KIR3DL1: variants seen among roughly 807,000 people sequenced by gnomAD.
The protein encoded by KIR3DL1 is killer cell immunoglobulin like receptor, three Ig domains and long cytoplasmic tail 1, also known as killer cell immunoglobulin-like receptor 3DL1.
KIR3DL1 carries 50 observed loss-of-function variants against 40.3 expected under a neutral mutation model. That is an observed-to-expected ratio of 1.24 (90% CI 0.99 to 1.57). The LOEUF (loss-of-function observed/expected upper bound fraction) is 1.57. Ranked by LOEUF, KIR3DL1 falls within the 40% of genes most tolerant of loss-of-function variation. The pLI is 0.00. For missense variants in KIR3DL1, 661 were observed against 559.9 expected, an observed-to-expected ratio of 1.18 and a Z score of -1.82; for synonymous variants, 257 against 207.2, an observed-to-expected ratio of 1.24 and a Z score of -2.07.
intron 6 of KIR3DL1, among the ~76,000 whole-genome samples, chr19:54,827,610 A>G (rs3117643): frequency 0.19 from 27,939 of 148,808 alleles, 3,147 homozygotes; most frequent in South Asian, 0.32. Context: ...AGGAGACTCC[A>G]TCTCAAAAAA....
intron 4 of KIR3DL1, among the ~76,000 whole-genome samples, chr19:54,820,363 A>C (rs1256716345): frequency 6.6e-6 from 1 of 151,522 alleles, no homozygotes; most frequent in Non-Finnish European, 1.5e-5. Context: ...TACCTCCACA[A>C]AGTGTTCCTA....
chr19:54,819,986 G>T lies in KIR3DL1; in HGVS notation c.629G>T (p.Ser210Ile), dbSNP rs746277153. 18 of 1,611,094 alleles carry T rather than the reference G, an allele frequency of 1.1e-5. 1 individual carries two copies. Among genetic ancestry groups the T allele is most frequent in the Non-Finnish European group, 1.4e-5 (17 of 1,178,904 alleles). The change falls in exon 4 of 9, where the codon AGT becomes ATT. Residue 210 changes from serine to isoleucine, a missense_variant. Transcript: ENST00000391728. ...ACCCCCTATCAGTTGTCAGCTCCCA[G>T]TGATCCCCTGGACATCGTGGTCACA...
intron 6 of KIR3DL1, among the ~76,000 whole-genome samples, chr19:54,825,859 G>A (rs865775711): frequency 2.0e-5 from 3 of 150,856 alleles, no homozygotes; most frequent in South Asian, 4.2e-4. Context: ...AGCCCACAAA[G>A]ACTGGTCACA....
chr19:54,817,506 G>A (rs2061410077), intron 1 of KIR3DL1, 28 bp from the exon 2 acceptor site: 5 of 1,487,494 alleles, frequency 3.4e-6, no homozygotes, highest in Admixed American at 3.5e-5. Flanking sequence ...CCTGCAGAGG[G>A]ATGGTCCATC....
At position 54,821,684 on chromosome 19, in the gene KIR3DL1, G is replaced by T. The variant is rs1049215; in HGVS notation, c.775G>T (p.Gly259Trp). The T allele has an allele frequency of 3.3e-5, 53 of 1,609,518 alleles. 2 individuals carry two copies. The highest frequency in any genetic ancestry group is 1.1e-4 in the African/African-American group (8 of 74,178). The change falls in exon 5 of 9, where the codon GGG (glycine) becomes TGG (tryptophan). Residue 259 changes from glycine to tryptophan, a missense_variant. Transcript: ENST00000391728. ...TGACATGTACCATCTATCCAGGGAG[G>T]GGGGAGCCCATGAACGTAGGCTCCC...
exon 7 of KIR3DL1, chr19:54,829,372 C>A: frequency 1.3e-6 from 2 of 1,482,162 alleles, no homozygotes; most frequent in African/African-American, 1.4e-5. Flanking sequence ...TAACCCCAGA[C>A]ACCTGCACAT....
At chr19:54,830,117 C>T (rs766889863) in exon 9 of KIR3DL1, 1 of 1,524,062 alleles carries the variant, frequency 6.6e-7, no homozygotes, top group Non-Finnish European at 8.9e-7. Flanking sequence ...TGAACAAGAC[C>T]CTGAGGAGGT....
intron 6 of KIR3DL1, among the ~76,000 whole-genome samples, chr19:54,827,836 C>A (rs2061984480): frequency 6.6e-6 from 1 of 150,436 alleles, no homozygotes; most frequent in Non-Finnish European, 1.5e-5. Flanking sequence ...AGCACAAATC[C>A]TGGAATAGAG....
chr19:54,829,148 C>A (rs2062071048), intron 6 of KIR3DL1, among the ~76,000 whole-genome samples: 1 of 145,324 alleles, frequency 6.9e-6, no homozygotes, highest in Admixed American at 7.0e-5. Context: ...AGGGGTCAAA[C>A]ATCTCAACTA....
At chr19:54,821,122 ATGAT>A (rs1442792293) in intron 4 of KIR3DL1, among the ~76,000 whole-genome samples, 1 of 150,402 alleles carries the variant, frequency 6.6e-6, no homozygotes, top group African/African-American at 2.5e-5. Flanking sequence ...TAGATAATAG[ATGAT>A]TGATGGATAG....
chr19:54,822,555 G>A (rs1188809493), intron 5 of KIR3DL1, among the ~76,000 whole-genome samples: 17 of 150,000 alleles, frequency 1.1e-4, no homozygotes, highest in South Asian at 2.1e-4. Context: ...TTAAACCCAG[G>A]AGGCAGAGGT....
In KIR3DL1 at chr19:54,817,529, T is replaced by C; in HGVS notation, c.35-5T>C. On this transcript the variant is annotated splice_region_variant and splice_polypyrimidine_tract_variant and intron_variant, in intron 1 of 8. Coordinates refer to ENST00000391728, the Ensembl canonical transcript of KIR3DL1. ...GGGATGGTCCATCATGATCTTTCTTTCTAGGGTTGTTCTTGGTCCAGAGGG... is the reference window on the plus strand; with the variant it reads ...GGGATGGTCCATCATGATCTTTCTTCCTAGGGTTGTTCTTGGTCCAGAGGG... The C allele has an allele frequency of 1.3e-6, 2 of 1,509,478 alleles. No individual in the cohort carries two copies. Among genetic ancestry groups the C allele is most frequent in the Non-Finnish European group, 1.8e-6 (2 of 1,105,478 alleles). 93.5% of individuals were successfully genotyped at this position (1,509,478 alleles called of 1,614,324 possible).
intron 3 of KIR3DL1, among the ~76,000 whole-genome samples, chr19:54,819,021 CCACTAGTCA>C (rs1293066506): frequency 2.6e-5 from 4 of 150,976 alleles, no homozygotes; most frequent in Non-Finnish European, 5.9e-5. Flanking sequence ...TGGAGGAAGA[CCACTAGTCA>C]CAGAATGCAG....
intron 5 of KIR3DL1, among the ~76,000 whole-genome samples, chr19:54,823,113 C>T (rs548205374): frequency 1.3e-5 from 2 of 150,588 alleles, no homozygotes; most frequent in South Asian, 4.2e-4. Flanking sequence ...TGGCTCATTG[C>T]AACCTGTGCC....
At chr19:54,824,110 T>C (rs1298834281) in intron 5 of KIR3DL1, among the ~76,000 whole-genome samples, 1 of 151,668 alleles carries the variant, frequency 6.6e-6, no homozygotes, top group Admixed American at 6.6e-5. Context: ...GTAATCCTAA[T>C]GGTCTATTTT....
At chr19:54,821,484 G>A in intron 4 of KIR3DL1, 81 bp from the exon 5 acceptor site, 1 of 1,467,582 alleles carries the variant, frequency 6.8e-7, no homozygotes, top group Non-Finnish European at 9.3e-7. Context: ...ATAGAGCAGG[G>A]GAGTGAGTTC....
chr19:54,820,042 T>C, intron 4 of KIR3DL1, 30 bp downstream of exon 4: 1 of 1,597,830 alleles, frequency 6.3e-7, no homozygotes, highest in South Asian at 1.1e-5. Context: ...GTTCTCATTG[T>C]CACTGGGACA....
At chr19:54,820,638 G>A (rs1170701061) in intron 4 of KIR3DL1, among the ~76,000 whole-genome samples, 42 of 151,026 alleles carry the variant, frequency 2.8e-4, no homozygotes, top group Non-Finnish European at 1.3e-4. Context: ...AAAAATCAGG[G>A]ACACCAAAAA....
At position 54,823,688 on chromosome 19, in the gene KIR3DL1, G is replaced by C. The variant is rs2061748501; in HGVS notation, c.950-1340G>C. 1.3e-5 allele frequency among the ~76,000 whole-genome samples: 2 copies of C among 151,448 alleles called. 1 individual carries two copies. Among genetic ancestry groups the C allele is most frequent in the African/African-American group, 4.9e-5 (2 of 41,046 alleles). On this transcript the variant is annotated intron_variant, in intron 5 of 8. Transcript: ENST00000391728. ...AATTTTTGTATGTTTAGTAGAGAGG[G>C]AGTTTCTCCATGATGGTCAGGCTGG... is the stretch of plus-strand genomic sequence containing the variant.
Sources: gnomAD v4.1 joint callset for allele counts (sites outside exome capture counted in the v4.1 genomes callset) on GRCh38, gnomAD v4.1.1 for gene constraint, MANE v1.5 for transcripts, NCBI Gene and HGNC (gene_info 2026-07-23, HGNC 2026-07-21) for gene names.